Variants in SAMTOR observed in about 807,000 individuals in gnomAD.
SAMTOR encodes UPF0532 protein C7orf60.
the SAMTOR span, among the ~76,000 whole-genome samples, chr7:112,832,340 G>T: frequency 6.6e-6 from 1 of 151,976 alleles, no homozygotes; most frequent in African/African-American, 2.4e-5. Context: ...CAATGATTTT[G>T]CTCTAACATA....
chr7:112,920,434 T>C, the SAMTOR span, among the ~76,000 whole-genome samples: 3 of 150,672 alleles, frequency 2.0e-5, no homozygotes, highest in Non-Finnish European at 4.4e-5. Flanking sequence ...AAATTAGGTA[T>C]TGATGGGACA....
At chr7:112,854,935 T>C in the SAMTOR span, among the ~76,000 whole-genome samples, 1 of 152,224 alleles carries the variant, frequency 6.6e-6, no homozygotes, top group East Asian at 1.9e-4. Context: ...TTCCCGTAGA[T>C]GTCCAGATTC....
the SAMTOR span, among the ~76,000 whole-genome samples, chr7:112,854,727 A>C: frequency 6.6e-6 from 1 of 152,174 alleles, no homozygotes; most frequent in Non-Finnish European, 1.5e-5. Context: ...CTTTTCAAGA[A>C]CATATTACTA....
At chr7:112,855,297 C>G in the SAMTOR span, among the ~76,000 whole-genome samples, 1 of 152,078 alleles carries the variant, frequency 6.6e-6, no homozygotes. Context: ...GAAAACAACC[C>G]TAGGTATTAG....
the SAMTOR span, among the ~76,000 whole-genome samples, chr7:112,900,231 A>C: frequency 6.6e-6 from 1 of 152,320 alleles, no homozygotes; most frequent in Non-Finnish European, 1.5e-5. Flanking sequence ...AAGCTGTAAA[A>C]CCAGGAAAGC....
the SAMTOR span, among the ~76,000 whole-genome samples, chr7:112,839,569 A>G: frequency 4.2e-4 from 64 of 151,902 alleles, no homozygotes; most frequent in Middle Eastern, 3.4e-3. Flanking sequence ...TGAGAACCCA[A>G]TATCACCTAT....
chr7:112,862,921 T>C, the SAMTOR span, among the ~76,000 whole-genome samples: 4 of 133,400 alleles, frequency 3.0e-5, no homozygotes, highest in African/African-American at 1.0e-4. Flanking sequence ...AGCGTGAGAC[T>C]CCAAAAAAAA....
chr7:112,826,596 T>C, the SAMTOR span, among the ~76,000 whole-genome samples: 2 of 152,170 alleles, frequency 1.3e-5, no homozygotes, highest in African/African-American at 2.4e-5. Context: ...TCATTAATTT[T>C]CCCTATTTTT....
chr7:112,837,206 TG>T, the SAMTOR span, among the ~76,000 whole-genome samples: 34 of 152,062 alleles, frequency 2.2e-4, no homozygotes, highest in Non-Finnish European at 4.6e-4. Context: ...CAATTGTGGA[TG>T]GGGTTGTGTT....
the SAMTOR span, among the ~76,000 whole-genome samples, chr7:112,933,781 C>T: frequency 6.6e-6 from 1 of 152,108 alleles, no homozygotes; most frequent in African/African-American, 2.4e-5. Flanking sequence ...AATCTCAGAT[C>T]CACCAAATTG....
At chr7:112,872,684 A>G in the SAMTOR span, among the ~76,000 whole-genome samples, 9 of 152,264 alleles carry the variant, frequency 5.9e-5, no homozygotes, top group East Asian at 3.9e-4. Flanking sequence ...GAGGAAGTCA[A>G]TTATCTCTCT....
chr7:112,892,854 G>A, the SAMTOR span, among the ~76,000 whole-genome samples: 2 of 152,070 alleles, frequency 1.3e-5, no homozygotes, highest in African/African-American at 4.8e-5. Context: ...CGTTGTATTA[G>A]CAGGCACGAA....
the SAMTOR span, among the ~76,000 whole-genome samples, chr7:112,878,056 T>A: frequency 6.6e-6 from 1 of 152,144 alleles, no homozygotes; most frequent in Non-Finnish European, 1.5e-5. Flanking sequence ...AAACCGAAAA[T>A]GGCTGGATAA....
chr7:112,934,723 A>G, the SAMTOR span, among the ~76,000 whole-genome samples: 1 of 152,224 alleles, frequency 6.6e-6, no homozygotes, highest in East Asian at 1.9e-4. Context: ...AAAGTTCCAA[A>G]GATTATACTG....
At chr7:112,878,428 C>G in the SAMTOR span, among the ~76,000 whole-genome samples, 1 of 152,180 alleles carries the variant, frequency 6.6e-6, no homozygotes, top group Non-Finnish European at 1.5e-5. Context: ...CCTCCCCCAA[C>G]TCTATGAAAG....
chr7:112,871,104 G>A, the SAMTOR span, among the ~76,000 whole-genome samples: 2 of 152,042 alleles, frequency 1.3e-5, no homozygotes, highest in African/African-American at 2.4e-5. Flanking sequence ...CTCATTCACA[G>A]CTTAGATCAT....
At chr7:112,876,055 A>G in the SAMTOR span, among the ~76,000 whole-genome samples, 8 of 152,008 alleles carry the variant, frequency 5.3e-5, no homozygotes, top group Non-Finnish European at 1.0e-4. Context: ...CCGCCTCCTG[A>G]GCTCAAGTGA....
the SAMTOR span, among the ~76,000 whole-genome samples, chr7:112,833,385 G>A: frequency 5.9e-5 from 9 of 152,244 alleles, no homozygotes; most frequent in East Asian, 1.7e-3. Context: ...CATGTAATAC[G>A]GGGATAATAG....
At chr7:112,835,577 G>A in the SAMTOR span, among the ~76,000 whole-genome samples, 3 of 151,970 alleles carry the variant, frequency 2.0e-5, no homozygotes, top group Non-Finnish European at 2.9e-5. Context: ...TGATTATTTT[G>A]TCACCCAGGT....
Sources: gnomAD v4.1 joint callset for allele counts (sites outside exome capture counted in the v4.1 genomes callset) on GRCh38, gnomAD v4.1.1 for gene constraint, MANE v1.5 for transcripts, NCBI Gene and HGNC (gene_info 2026-07-23, HGNC 2026-07-21) for gene names.